The following PLG variants were observed in gnomAD, a reference collection of about 807,000 sequenced individuals.
PLG encodes plasmin.
In PLG, 41 loss-of-function variants were observed where a neutral mutation model predicts 104.4. That is an observed-to-expected ratio of 0.39 (90% CI 0.31 to 0.51). PLG has a LOEUF of 0.51. PLG is among the 20% of genes least tolerant of loss of function. The probability of loss-of-function intolerance (pLI) is 0.76; values close to 1 mark genes in which losing one functional copy is unlikely to be tolerated. For missense variants in PLG, 891 were observed against 1,003.6 expected (o/e 0.89, Z 1.52); for synonymous variants, 337 against 357.1 (o/e 0.94, Z 0.63).
At chr6:160,708,515 A>T (rs1270680134) in intron 3 of PLG, 1 of 152,346 alleles carries the variant, frequency 6.6e-6, no homozygotes, top group African/African-American at 2.4e-5. Context: ...GTATGCTCCC[A>T]TTAAGCATAT....
chr6:160,748,714 G>C (rs1441871826), intron 17 of PLG, among the ~76,000 whole-genome samples: 1 of 152,188 alleles, frequency 6.6e-6, no homozygotes, highest in Non-Finnish European at 1.5e-5. Context: ...AATCATTAGT[G>C]AACTGAAAAT....
chr6:160,748,783 C>T (rs783177), intron 17 of PLG, among the ~76,000 whole-genome samples: 85,755 of 152,088 alleles, frequency 0.56, 24,857 homozygotes, highest in East Asian at 0.98. Context: ...ACAAATGTGA[C>T]ATTCTCGTGG....
chr6:160,735,598 T>A lies in PLG; in HGVS notation c.1682-1289T>A, dbSNP rs936061369. ...GACACTTGGAAATCCTGAGGACTGT[T>A]TCATGCAGAAGGATATGGTTTATTC... On this transcript the variant is annotated intron_variant, in intron 13 of 18. Transcript: ENST00000308192. The surrounding 1 kb of genome is among the most constrained non-coding windows in gnomAD (Gnocchi z 5.4). Among the ~76,000 whole-genome samples, 80 of 152,214 alleles carry A rather than the reference T, an allele frequency of 5.3e-4. No homozygotes were observed. The highest frequency in any genetic ancestry group is 1.2e-4 in the Non-Finnish European group (8 of 68,036).
rs750275964 is a variant in PLG at position 160,718,283 on chromosome 6, G to C, written c.788-11G>C. 7.5e-6 allele frequency: 12 copies of C among 1,608,612 alleles called. No individual in the cohort carries two copies. In the East Asian group the frequency reaches 2.2e-4, roughly 30 times the overall value. ...ATATATATTCATTGTAACTTATTTT[G>C]CCCATTCAAGCAACACCTCCACCAT... On this transcript the variant is annotated splice_polypyrimidine_tract_variant and intron_variant, in intron 7 of 18. Transcript: ENST00000308192.
rs1158594739 is a variant in PLG at position 160,734,132 on chromosome 6, G to A, written c.1681+44G>A. ...GGTAAGGAAACTGCTTACTTAATAT[G>A]GATTTGCAACAAAAAAGGAAAAGGG... On this transcript the variant is annotated intron_variant, in intron 13 of 18. Transcript: ENST00000308192. This position sits in a 1 kb window ranked among gnomAD's most constrained non-coding sequence, Gnocchi z 4.4. 1.8e-6 allele frequency: 2 copies of A among 1,139,088 alleles called. No homozygotes were observed. The highest frequency in any genetic ancestry group is 2.7e-6 in the Non-Finnish European group (2 of 748,920). 70.6% of individuals were successfully genotyped at this position (1,139,088 alleles called of 1,614,324 possible).
In PLG at chr6:160,739,360, C is replaced by T; in HGVS notation, c.2018+152C>T. 2 of 998,534 alleles carry T rather than the reference C, an allele frequency of 2.0e-6. No individual in the cohort carries two copies. The highest frequency in any genetic ancestry group is 3.1e-6 in the Non-Finnish European group (2 of 645,018). The allele number at this position is 998,534 out of a possible 1,614,324, so 61.9% of individuals were successfully genotyped here. On this transcript the variant is annotated intron_variant, in intron 16 of 18. Transcript: ENST00000308192. This position sits in a 1 kb window ranked among gnomAD's most constrained non-coding sequence, Gnocchi z 4.4. ...CTTTGGGGACAGCATCAATCTTCAA[C>T]CCTAGCCCTGCCACATGCTAGCTGT...
chr6:160,720,405 C>CTTT (rs1190930860), intron 9 of PLG, among the ~76,000 whole-genome samples: 7 of 61,836 alleles, frequency 1.1e-4, no homozygotes, highest in African/African-American at 3.7e-4. Flanking sequence ...TTTTTCTTTT[C>CTTT]TTTTCTTTTT....
In PLG at chr6:160,711,162, A is replaced by G. The variant is rs1293813813; in HGVS notation, c.378A>G (p.Lys126=). ...SKTKNGITCQ[K]WSSTSPHRPR... is the part of the protein sequence containing the mutation. Reference sequence around the variant, plus strand: ...CAAAAAATGGCATCACCTGTCAAAAATGGAGTTCCACTTCTCCCCACAGAC... The same window carrying G: ...CAAAAAATGGCATCACCTGTCAAAAGTGGAGTTCCACTTCTCCCCACAGAC... The change falls in exon 4 of 19, where the codon AAA becomes AAG. Residue 126 remains lysine, a synonymous_variant. Transcript: ENST00000308192. The G allele has an allele frequency of 1.2e-6, 2 of 1,612,988 alleles. No homozygotes were observed. The highest frequency in any genetic ancestry group is 1.3e-5 in the African/African-American group (1 of 74,890).
chr6:160,715,821 G>A (rs534236070), intron 6 of PLG, among the ~76,000 whole-genome samples: 122 of 152,356 alleles, frequency 8.0e-4, no homozygotes, highest in African/African-American at 2.7e-3. Flanking sequence ...ACTGGGTAAA[G>A]GCACTTCCAG....
chr6:160,715,053 C>G, intron 6 of PLG, 139 bp downstream of exon 6: 2 of 831,900 alleles, frequency 2.4e-6, no homozygotes, highest in Non-Finnish European at 3.9e-6. Flanking sequence ...AACCTCCTCC[C>G]ACAATATTGC....
chr6:160,707,873 T>G, intron 3 of PLG, 67 bp downstream of exon 3: 2 of 1,109,552 alleles, frequency 1.8e-6, no homozygotes, highest in Non-Finnish European at 2.8e-6. Context: ...TCTTTCTCTA[T>G]TCTATCTTTA....
At position 160,725,951 on chromosome 6, in the gene PLG, A is replaced by G. The variant is rs1777914124; in HGVS notation, c.1256+3384A>G. Among the ~76,000 whole-genome samples the G allele has an allele frequency of 6.6e-6, 1 of 152,190 alleles. No homozygotes were observed. On this transcript the variant is annotated intron_variant, in intron 10 of 18. Transcript: ENST00000308192. The surrounding 1 kb of genome is among the most constrained non-coding windows in gnomAD (Gnocchi z 6.3). ...AGAGCCCTTCTGATATATGAAGCAA[A>G]CACTGACAGAACTGAAGAGACAAAC... is the stretch of plus-strand genomic sequence containing the variant.
intron 1 of PLG, among the ~76,000 whole-genome samples, chr6:160,703,518 T>C (rs919522390): frequency 6.6e-6 from 1 of 152,242 alleles, no homozygotes; most frequent in Non-Finnish European, 1.5e-5. Context: ...ACAAACGGAA[T>C]CATACGATTT....
intron 4 of PLG, 22 bp downstream of exon 4, chr6:160,711,213 T>C: frequency 6.2e-7 from 1 of 1,609,922 alleles, no homozygotes; most frequent in South Asian, 1.1e-5. Context: ...CCTTTCATCT[T>C]TGTGTTCATC....
chr6:160,731,732 T>C lies in PLG; in HGVS notation c.1439-13T>C. Reference sequence around the variant, plus strand: ...TGTGGCTCTTCATAATCATCCATTTTTTCCCTGTACAGACTGTATGTTTGG... The same window carrying C: ...TGTGGCTCTTCATAATCATCCATTTCTTCCCTGTACAGACTGTATGTTTGG... On this transcript the variant is annotated splice_polypyrimidine_tract_variant and intron_variant, in intron 11 of 18. Coordinates refer to ENST00000308192, the MANE Select transcript of PLG (RefSeq NM_000301.5). This position sits in a 1 kb window ranked among gnomAD's most constrained non-coding sequence, Gnocchi z 5.1. 5 of 1,613,348 alleles carry C rather than the reference T, an allele frequency of 3.1e-6. No individual in the cohort carries two copies. The highest frequency in any genetic ancestry group is 4.2e-6 in the Non-Finnish European group (5 of 1,179,334).
rs150437480 is a variant in PLG at position 160,753,109 on chromosome 6, G to T, written c.*48G>T. 35 of 1,157,170 alleles carry T rather than the reference G, an allele frequency of 3.0e-5. No homozygotes were observed. The highest frequency in any genetic ancestry group is 3.9e-5 in the Admixed American group (2 of 51,190). 71.7% of individuals were successfully genotyped at this position (1,157,170 alleles called of 1,614,324 possible). A position where few individuals can be genotyped will look rare whatever the true frequency, so the allele number is the denominator to read the frequency against. ...CACTGACTCACCTAGAGGCTGGAAC[G>T]TGGGTAGGGATTTAGCATGCTGGAA... is the stretch of plus-strand genomic sequence containing the variant. On this transcript the variant is annotated 3_prime_UTR_variant, in exon 19 of 19. Transcript: ENST00000308192. The surrounding 1 kb of genome is among the most constrained non-coding windows in gnomAD (Gnocchi z 5.4).
intron 4 of PLG, chr6:160,711,491 T>C: frequency 7.5e-7 from 1 of 1,328,986 alleles, no homozygotes; most frequent in South Asian, 1.4e-5. Context: ...TTGGTTGAAT[T>C]TGTGGATCTG....
chr6:160,716,846 G>C, intron 7 of PLG, 83 bp downstream of exon 7: 1 of 857,164 alleles, frequency 1.2e-6, no homozygotes, highest in East Asian at 2.4e-5. Context: ...CAGTGCCTGA[G>C]TGCAGCCTCT....
At chr6:160,733,345 C>G (rs1778030834) in intron 12 of PLG, among the ~76,000 whole-genome samples, 1 of 152,090 alleles carries the variant, frequency 6.6e-6, no homozygotes, top group Non-Finnish European at 1.5e-5. Context: ...CAATGATGTC[C>G]CACTGTCCTT....
Sources: gnomAD v4.1 joint callset for allele counts (sites outside exome capture counted in the v4.1 genomes callset) on GRCh38, gnomAD v4.1.1 for gene constraint, Gnocchi (gnomAD v3.1) non-coding constraint, MANE v1.5 for transcripts, NCBI Gene and HGNC (gene_info 2026-07-23, HGNC 2026-07-21) for gene names.